KATNAL1: variants seen among roughly 807,000 people sequenced by gnomAD.
The protein encoded by KATNAL1 is katanin catalytic subunit A1 like 1.
Under a neutral mutation model 55.2 loss-of-function variants are expected in KATNAL1, and 32 were observed. The ratio of observed to expected loss-of-function variants is 0.58; its 90% CI spans 0.44 to 0.78. KATNAL1 has a LOEUF of 0.78. KATNAL1 is among the 30% of genes least tolerant of loss of function. The pLI is 0.00. For synonymous variants in KATNAL1, 193 were observed against 193.6 expected (o/e 1.00, Z 0.02); for missense variants, 466 against 600.9 (o/e 0.78, Z 2.35).
At chr13:30,214,761 C>T (rs1017244146) in intron 9 of KATNAL1, among the ~76,000 whole-genome samples, 22 of 151,952 alleles carry the variant, frequency 1.4e-4, no homozygotes, top group African/African-American at 5.1e-4. Flanking sequence ...ACACCTTATA[C>T]AAAAATTAAT....
At chr13:30,222,476 T>C (rs974659534) in intron 9 of KATNAL1, among the ~76,000 whole-genome samples, 7 of 152,216 alleles carry the variant, frequency 4.6e-5, no homozygotes, top group Admixed American at 2.6e-4. Flanking sequence ...TCTGTTTCTC[T>C]GCAGGACTCT....
intron 9 of KATNAL1, among the ~76,000 whole-genome samples, chr13:30,218,227 T>TATATATATATATATATATATATAA (rs1555258842): frequency 4.8e-5 from 7 of 145,258 alleles, no homozygotes; most frequent in African/African-American, 1.3e-4. Flanking sequence ...TATATATATA[T>TATATATATATATATATATATATAA]AAAGGACCTG....
intron 1 of KATNAL1, among the ~76,000 whole-genome samples, chr13:30,286,064 T>C (rs1283061136): frequency 6.6e-6 from 1 of 152,186 alleles, no homozygotes; most frequent in Admixed American, 6.5e-5. Context: ...GGTTTGGAAT[T>C]GGAATTTATG....
chr13:30,280,197 A>G lies in KATNAL1; in HGVS notation c.189T>C (p.Tyr63=). ...TGCTGACAATACTTTTAACTTGTTC[A>G]TATTCCTCCAATAATTCCTGCCGAA... ...QQVRQELLEE[Y]EQVKSIVSTL... Residue 63 remains tyrosine, a synonymous_variant, in exon 3 of 11, where the codon TAT becomes TAC. Coordinates refer to ENST00000380615, the MANE Select transcript of KATNAL1 (RefSeq NM_032116.5). The G allele has an allele frequency of 6.2e-7, 1 of 1,600,588 alleles. No individual in the cohort carries two copies. Among genetic ancestry groups the G allele is most frequent in the African/African-American group, 1.4e-5 (1 of 73,998 alleles).
In KATNAL1 at chr13:30,231,471, C is replaced by A; in HGVS notation, c.728G>T (p.Gly243Val). 6.7e-7 allele frequency: 1 copy of A among 1,498,148 alleles called. No individual in the cohort carries two copies. The highest frequency in any genetic ancestry group is 1.4e-5 in the South Asian group (1 of 69,128). The allele number at this position is 1,498,148 out of a possible 1,614,324, so 92.8% of individuals were successfully genotyped here. Residue 243 changes from glycine to valine, a missense_variant and splice_region_variant, in exon 7 of 11, where the codon GGT (glycine) becomes GTT (valine). Physicochemically the swap from Gly to Val is moderately radical, Grantham distance 109. Transcript: ENST00000380615. ...GCCTGGGGGTCCAACCATCAGTACA[C>A]CCTGAAATTTCAAAAGACAAATTAA... ...FFKGIRRPWK[G>V]VLMVGPPGTG...
At chr13:30,268,885 T>G (rs1330918850) in intron 3 of KATNAL1, among the ~76,000 whole-genome samples, 1 of 152,172 alleles carries the variant, frequency 6.6e-6, no homozygotes, top group East Asian at 1.9e-4. Context: ...ATACTTACAC[T>G]GTGGCAGGCA....
At chr13:30,241,116 G>T in intron 4 of KATNAL1, 30 bp from the exon 5 acceptor site, 2 of 1,588,898 alleles carry the variant, frequency 1.3e-6, no homozygotes, top group Non-Finnish European at 1.7e-6. Flanking sequence ...AAAAGTACTA[G>T]TCAGTAATGG....
At chr13:30,232,055 T>C (rs1274635900) in intron 6 of KATNAL1, among the ~76,000 whole-genome samples, 2 of 152,158 alleles carry the variant, frequency 1.3e-5, no homozygotes, top group Admixed American at 6.5e-5. Context: ...AAAATAGTAA[T>C]AGTGATGAAA....
In KATNAL1 at chr13:30,203,186, T is replaced by C. The variant is rs1872834744; in HGVS notation, c.*5354A>G. On this transcript the variant is annotated 3_prime_UTR_variant, in exon 11 of 11. Coordinates refer to ENST00000380615, the MANE Select transcript of KATNAL1 (RefSeq NM_032116.5). Reference sequence around the variant, plus strand: ...AGACGGGAAAAGTAATTCAGACATTTCACAGAGGCCTTATTTGGAATACAA... The same window carrying C: ...AGACGGGAAAAGTAATTCAGACATTCCACAGAGGCCTTATTTGGAATACAA... 1 of 152,186 alleles carries C rather than the reference T, an allele frequency of 6.6e-6. No homozygotes were observed. Among genetic ancestry groups the C allele is most frequent in the African/African-American group, 2.4e-5 (1 of 41,452 alleles). 9.4% of individuals were successfully genotyped at this position (152,186 alleles called of 1,614,324 possible). A position where few individuals can be genotyped will look rare whatever the true frequency, so the allele number is the denominator to read the frequency against.
chr13:30,219,610 A>C (rs1017094664), intron 9 of KATNAL1, among the ~76,000 whole-genome samples: 57 of 152,366 alleles, frequency 3.7e-4, no homozygotes, highest in African/African-American at 1.4e-3. Context: ...TATAGCAAAG[A>C]GCTAAATGAA....
intron 3 of KATNAL1, 146 bp downstream of exon 3, chr13:30,279,917 C>G: frequency 1.5e-6 from 1 of 677,532 alleles, no homozygotes; most frequent in Non-Finnish European, 2.4e-6. Flanking sequence ...AAATACAAAA[C>G]TGTAAATGTA....
intron 3 of KATNAL1, among the ~76,000 whole-genome samples, chr13:30,272,241 T>C (rs978870346): frequency 1.3e-5 from 2 of 151,826 alleles, no homozygotes; most frequent in African/African-American, 4.8e-5. Flanking sequence ...CTACTAAAAA[T>C]ACAAAAATTA....
At chr13:30,228,186 T>G (rs1227196604) in intron 8 of KATNAL1, among the ~76,000 whole-genome samples, 1 of 152,094 alleles carries the variant, frequency 6.6e-6, no homozygotes, top group Non-Finnish European at 1.5e-5. Context: ...GAATAAAAAA[T>G]TTCAGGTCAC....
At chr13:30,224,452 T>C (rs1464463656) in intron 9 of KATNAL1, among the ~76,000 whole-genome samples, 1 of 151,848 alleles carries the variant, frequency 6.6e-6, no homozygotes, top group Non-Finnish European at 1.5e-5. Flanking sequence ...GAGGATCTGT[T>C]GATCCCAAAA....
At chr13:30,278,400 G>C (rs1188796626) in intron 3 of KATNAL1, among the ~76,000 whole-genome samples, 1 of 152,138 alleles carries the variant, frequency 6.6e-6, no homozygotes, top group Non-Finnish European at 1.5e-5. Context: ...ATTTAGAAAA[G>C]GGATTTAAAA....
intron 3 of KATNAL1, among the ~76,000 whole-genome samples, chr13:30,279,293 A>C (rs546195678): frequency 6.6e-6 from 1 of 152,346 alleles, no homozygotes; most frequent in East Asian, 1.9e-4. Flanking sequence ...TTAATTTTTA[A>C]GTAAATAAAA....
intron 1 of KATNAL1, chr13:30,296,323 C>T: frequency 8.6e-7 from 1 of 1,163,954 alleles, no homozygotes; most frequent in Non-Finnish European, 1.2e-6. Context: ...CTGCAGTCAG[C>T]AGCCATGCCG....
intron 4 of KATNAL1, among the ~76,000 whole-genome samples, chr13:30,241,443 C>T (rs1178410556): frequency 6.6e-6 from 1 of 152,126 alleles, no homozygotes; most frequent in Non-Finnish European, 1.5e-5. Context: ...GTGGAAGGAT[C>T]TTTTTAAATA....
At chr13:30,251,330 T>C (rs1254783348) in intron 4 of KATNAL1, among the ~76,000 whole-genome samples, 1 of 152,180 alleles carries the variant, frequency 6.6e-6, no homozygotes, top group Non-Finnish European at 1.5e-5. Context: ...AAATCCGATT[T>C]TCCCAGGTGC....
Sources: allele counts gnomAD v4.1 joint callset (sites outside exome capture counted in the v4.1 genomes callset), GRCh38; gene constraint gnomAD v4.1.1; transcripts MANE v1.5; gene names NCBI Gene and HGNC (gene_info 2026-07-23, HGNC 2026-07-21).